Variants in CEP135 observed in about 807,000 individuals in gnomAD.
The protein encoded by CEP135 is centrosomal protein 135.
In CEP135, 142 loss-of-function variants were observed where a neutral mutation model predicts 157.3. That is an observed-to-expected ratio of 0.90 (90% CI 0.79 to 1.04). The LOEUF (loss-of-function observed/expected upper bound fraction) is 1.04. Among genes scored for constraint, CEP135 ranks in the 50% least tolerant of loss-of-function variants. CEP135 has a pLI of 0.00. For missense variants in CEP135, 1,317 were observed against 1,309.2 expected, an observed-to-expected ratio of 1.01 and a Z score of -0.09; for synonymous variants, 396 against 439.8, an observed-to-expected ratio of 0.90 and a Z score of 1.25.
chr4:56,006,445 C>G (rs1730348206), intron 17 of CEP135, among the ~76,000 whole-genome samples: 1 of 151,898 alleles, frequency 6.6e-6, no homozygotes, highest in South Asian at 2.1e-4. Flanking sequence ...TTATTTCAAC[C>G]TCTTTGTTAA....
intron 21 of CEP135, among the ~76,000 whole-genome samples, chr4:56,013,630 A>G (rs1227287323): frequency 1.3e-5 from 2 of 152,232 alleles, no homozygotes; most frequent in Non-Finnish European, 2.9e-5. Flanking sequence ...TAAAAATCTC[A>G]TAATAAAAAA....
At chr4:55,952,380 C>A in intron 2 of CEP135, 137 bp downstream of exon 2, 1 of 606,176 alleles carries the variant, frequency 1.6e-6, no homozygotes, top group Non-Finnish European at 3.0e-6. Flanking sequence ...CTGTTTTTTC[C>A]CTGTCCTCAA....
intron 3 of CEP135, 40 bp downstream of exon 3, chr4:55,953,315 T>G (rs1560395403): frequency 7.3e-7 from 1 of 1,360,784 alleles, no homozygotes; most frequent in Admixed American, 2.7e-5. Flanking sequence ...GCAATGTCTT[T>G]GTCCTTTTTA....
chr4:55,953,280 G>C lies in CEP135; in HGVS notation c.304+5G>C, dbSNP rs1211023439. ...ATTCAGACCAACACGTTAAAGGTAA[G>C]TGAAAATTTGATAATTTTTAAAATG... On this transcript the variant is annotated splice_donor_5th_base_variant and intron_variant, in intron 3 of 25. Transcript: ENST00000257287. 6.7e-7 allele frequency: 1 copy of C among 1,485,960 alleles called. No homozygotes were observed. Among genetic ancestry groups the C allele is most frequent in the Non-Finnish European group, 8.9e-7 (1 of 1,117,580 alleles). 92.0% of individuals were successfully genotyped at this position (1,485,960 alleles called of 1,614,324 possible).
intron 17 of CEP135, among the ~76,000 whole-genome samples, chr4:56,001,525 A>G (rs1302906729): frequency 1.3e-5 from 2 of 152,124 alleles, no homozygotes; most frequent in Admixed American, 6.6e-5. Flanking sequence ...CCCTGTCCCC[A>G]TTGTATGTTC....
At position 56,001,365 on chromosome 4, in the gene CEP135, T is replaced by G. The variant is rs147906152; in HGVS notation, c.2280+1720T>G. Among the ~76,000 whole-genome samples the G allele has an allele frequency of 8.0e-3, 1,214 of 152,326 alleles. 18 individuals are homozygous for G. Among genetic ancestry groups the G allele is most frequent in the Middle Eastern group, 0.014 (4 of 294 alleles). ...GTCTTAGAGCATTTCCCCAACATTT[T>G]CTTCTAGTAGTTCCATAGTTTCAGG... On this transcript the variant is annotated intron_variant, in intron 17 of 25. Coordinates refer to ENST00000257287, the MANE Select transcript of CEP135 (RefSeq NM_025009.5).
intron 12 of CEP135, among the ~76,000 whole-genome samples, chr4:55,980,898 TG>T (rs1247093223): frequency 1.3e-5 from 2 of 152,100 alleles, no homozygotes; most frequent in African/African-American, 4.8e-5. Flanking sequence ...ATGAGTTTTT[TG>T]GGGGGAATTC....
intron 18 of CEP135, among the ~76,000 whole-genome samples, chr4:56,008,941 A>C (rs1730460720): frequency 6.6e-6 from 1 of 152,212 alleles, no homozygotes; most frequent in Admixed American, 6.5e-5. Flanking sequence ...TCTGTCGCAC[A>C]GGCTGGAGTG....
At chr4:56,020,051 G>A (rs138318955) in intron 23 of CEP135, among the ~76,000 whole-genome samples, 247 of 152,330 alleles carry the variant, frequency 1.6e-3, no homozygotes, top group African/African-American at 5.7e-3. Flanking sequence ...TACAGAGGTT[G>A]TACCGTGGGA....
At position 56,015,897 on chromosome 4, in the gene CEP135, A is replaced by G. The variant is rs189685012; in HGVS notation, c.2803-1751A>G. On this transcript the variant is annotated intron_variant, in intron 21 of 25. Coordinates refer to ENST00000257287, the MANE Select transcript of CEP135 (RefSeq NM_025009.5). ...GGAAGGACATGAATTTTGGGGGATC[A>G]GAGGGTAGGAGAATTGTGTCCACCA... is the stretch of plus-strand genomic sequence containing the variant. 1.0e-3 allele frequency among the ~76,000 whole-genome samples: 153 copies of G among 152,340 alleles called. 4 individuals are homozygous for G. The highest frequency in any genetic ancestry group is 1.6e-3 in the Non-Finnish European group (109 of 68,038).
intron 25 of CEP135, among the ~76,000 whole-genome samples, chr4:56,028,374 ACACTTGTTATTTTC>A (rs1474039474): frequency 6.6e-6 from 1 of 152,202 alleles, no homozygotes; most frequent in Non-Finnish European, 1.5e-5. Flanking sequence ...ATCGTCACCA[ACACTTGTTATTTTC>A]CACTTTTTAA....
intron 8 of CEP135, among the ~76,000 whole-genome samples, chr4:55,968,691 T>C (rs1005048071): frequency 1.3e-5 from 2 of 152,174 alleles, no homozygotes; most frequent in African/African-American, 4.8e-5. Context: ...TGGCATTCTG[T>C]TCTCTCAGTT....
At chr4:55,954,167 T>C (rs374926004) in intron 3 of CEP135, 49 bp from the exon 4 acceptor site, 3 of 1,482,474 alleles carry the variant, frequency 2.0e-6, no homozygotes, top group Non-Finnish European at 2.7e-6. Flanking sequence ...AAAAACTTCA[T>C]TGGATTTCTT....
intron 12 of CEP135, among the ~76,000 whole-genome samples, chr4:55,980,718 C>T (rs534129008): frequency 3.3e-5 from 5 of 152,174 alleles, no homozygotes; most frequent in Non-Finnish European, 7.3e-5. Context: ...TGGTATTCAG[C>T]TTGGCCCCAT....
intron 8 of CEP135, among the ~76,000 whole-genome samples, chr4:55,966,809 T>C (rs1728858768): frequency 6.6e-6 from 1 of 152,214 alleles, no homozygotes; most frequent in South Asian, 2.1e-4. Flanking sequence ...AAAGTGTTTT[T>C]AAAACTGTGT....
At chr4:55,995,244 A>G (rs889925815) in intron 15 of CEP135, among the ~76,000 whole-genome samples, 1 of 152,186 alleles carries the variant, frequency 6.6e-6, no homozygotes, top group East Asian at 1.9e-4. Flanking sequence ...TGAGGTCAAC[A>G]GTCTTTTTTT....
chr4:56,007,682 C>T (rs1160738073), intron 17 of CEP135, among the ~76,000 whole-genome samples: 1 of 152,168 alleles, frequency 6.6e-6, no homozygotes, highest in African/African-American at 2.4e-5. Context: ...ACCTCAATCT[C>T]ACTTTTTCCG....
Position 55,971,256 on chromosome 4 carries a change from A to G in CEP135, c.1111-14A>G. On this transcript the variant is annotated splice_polypyrimidine_tract_variant and intron_variant, in intron 9 of 25. Coordinates refer to ENST00000257287, the MANE Select transcript of CEP135 (RefSeq NM_025009.5). ...AGTTGTTAGAAATCTTAATTATAGT[A>G]TTAAAATTTGCAGGAATTGAACTTA... The G allele has an allele frequency of 6.4e-7, 1 of 1,550,616 alleles. No homozygotes were observed. Among genetic ancestry groups the G allele is most frequent in the Non-Finnish European group, 8.7e-7 (1 of 1,152,620 alleles).
At position 55,975,448 on chromosome 4, in the gene CEP135, A is replaced by C. The variant is rs571087495; in HGVS notation, c.1473+479A>C. On this transcript the variant is annotated intron_variant, in intron 11 of 25. Coordinates refer to ENST00000257287, the MANE Select transcript of CEP135 (RefSeq NM_025009.5). Reference sequence around the variant, plus strand: ...CTATGGGAGATAGATAGAAATGGCAAGTGAGTGCTGGGGAGATTGTTTTGT... The same window carrying C: ...CTATGGGAGATAGATAGAAATGGCACGTGAGTGCTGGGGAGATTGTTTTGT... Among the ~76,000 whole-genome samples, 11 of 152,330 alleles carry C rather than the reference A, an allele frequency of 7.2e-5. No individual in the cohort carries two copies. In the East Asian group the frequency reaches 1.5e-3, roughly 21 times the overall value.
Sources: allele counts gnomAD v4.1 joint callset (sites outside exome capture counted in the v4.1 genomes callset), GRCh38; gene constraint gnomAD v4.1.1; transcripts MANE v1.5; gene names NCBI Gene and HGNC (gene_info 2026-07-23, HGNC 2026-07-21).